Variants in FAT3 observed in about 807,000 individuals in gnomAD.
FAT3 encodes protocadherin Fat 3.
Under a neutral mutation model 310.2 loss-of-function variants are expected in FAT3, and 95 were observed. That is an observed-to-expected ratio of 0.31 (90% confidence interval 0.26 to 0.36). The LOEUF is 0.36. FAT3 is among the 10% of genes least tolerant of loss of function. FAT3 has a pLI of 1.00. For missense variants in FAT3, 5,408 were observed against 5,715.6 expected (o/e 0.95, Z 1.74); for synonymous variants, 2,314 against 2,192.9 (o/e 1.06, Z -1.54).
intron 2 of FAT3, among the ~76,000 whole-genome samples, chr11:92,407,295 T>C (rs980125418): frequency 6.6e-6 from 1 of 152,110 alleles, no homozygotes; most frequent in Admixed American, 6.6e-5. Context: ...GGCTCCGGTA[T>C]GCTAAAGACT....
intron 3 of FAT3, among the ~76,000 whole-genome samples, chr11:92,526,393 T>C (rs564095034): frequency 6.6e-6 from 1 of 152,268 alleles, no homozygotes; most frequent in South Asian, 2.1e-4. Flanking sequence ...GCCACAGGTA[T>C]CTTCACATTT....
At chr11:92,435,221 C>T (rs1950898131) in intron 2 of FAT3, among the ~76,000 whole-genome samples, 1 of 152,118 alleles carries the variant, frequency 6.6e-6, no homozygotes, top group African/African-American at 2.4e-5. Context: ...GAATGGATCT[C>T]CTGATTCCCT....
intron 4 of FAT3, among the ~76,000 whole-genome samples, chr11:92,700,497 A>G (rs886676510): frequency 7.2e-5 from 11 of 152,112 alleles, no homozygotes; most frequent in Admixed American, 2.0e-4. Flanking sequence ...GAAAGCTTCT[A>G]TAGAGATCCA....
intron 3 of FAT3, among the ~76,000 whole-genome samples, chr11:92,561,071 A>T (rs1252845094): frequency 6.6e-6 from 1 of 152,204 alleles, no homozygotes; most frequent in Non-Finnish European, 1.5e-5. Flanking sequence ...CTGGGTAGGC[A>T]GCACTTATCT....
At chr11:92,628,838 G>A (rs779536782) in intron 3 of FAT3, among the ~76,000 whole-genome samples, 1 of 152,138 alleles carries the variant, frequency 6.6e-6, no homozygotes, top group Non-Finnish European at 1.5e-5. Flanking sequence ...TTGGCAGCTG[G>A]ATCTTCTGAA....
Position 92,775,243 on chromosome 11 carries a change from A to G in FAT3, c.4335+1063A>G, listed in dbSNP as rs78578376. Among the ~76,000 whole-genome samples, 730 of 152,314 alleles carry G rather than the reference A, an allele frequency of 4.8e-3. 6 individuals carry two copies. Among genetic ancestry groups the G allele is most frequent in the African/African-American group, 0.016 (683 of 41,556 alleles). ...GCAAGCAAGTCTTGATTCATCTTAA[A>G]TATGATGTAAGCATTTGCAACTATG... On this transcript the variant is annotated intron_variant, in intron 7 of 27. Transcript: ENST00000525166.
At position 92,801,514 on chromosome 11, in the gene FAT3, C is replaced by T; in HGVS notation, c.8501C>T (p.Thr2834Ile). ...MEGMPVGTKL[T>I]QVRAIDMDWG... Reference sequence around the variant, plus strand: ...GGGATGCCTGTTGGCACCAAACTCACACAAGTGAGAGCTATTGATATGGAC... The same window carrying T: ...GGGATGCCTGTTGGCACCAAACTCATACAAGTGAGAGCTATTGATATGGAC... Residue 2834 changes from threonine to isoleucine, a missense_variant, in exon 10 of 28, where the codon ACA becomes ATA. This residue lies in a region of FAT3 where 4,588 missense variants were observed against 4,809.8 expected (regional missense o/e 0.95). Transcript: ENST00000525166. 3.1e-6 allele frequency: 5 copies of T among 1,611,072 alleles called. No homozygotes were observed. The highest frequency in any genetic ancestry group is 4.2e-6 in the Non-Finnish European group (5 of 1,178,496).
chr11:92,850,275 C>T (rs1199785304), intron 19 of FAT3, among the ~76,000 whole-genome samples: 3 of 152,188 alleles, frequency 2.0e-5, no homozygotes, highest in Admixed American at 2.0e-4. Context: ...GCAGATCCCT[C>T]ATCTCCAGTA....
intron 1 of FAT3, among the ~76,000 whole-genome samples, chr11:92,299,764 T>C (rs2845871): frequency 0.71 from 108,083 of 151,978 alleles, 38,738 homozygotes; most frequent in African/African-American, 0.8. Context: ...TTCATTTAAA[T>C]AACATCAGTA....
intron 3 of FAT3, among the ~76,000 whole-genome samples, chr11:92,597,725 T>C (rs1188187074): frequency 6.6e-6 from 1 of 152,152 alleles, no homozygotes; most frequent in African/African-American, 2.4e-5. Context: ...GCATGACTAG[T>C]CTCGAGTTTA....
chr11:92,402,643 G>C (rs1413548306), intron 2 of FAT3, among the ~76,000 whole-genome samples: 1 of 151,620 alleles, frequency 6.6e-6, no homozygotes, highest in East Asian at 1.9e-4. Context: ...TGAGGTGGGA[G>C]GATCACTTGA....
At chr11:92,540,970 C>G (rs1283490878) in intron 3 of FAT3, among the ~76,000 whole-genome samples, 2 of 152,086 alleles carry the variant, frequency 1.3e-5, no homozygotes, top group Admixed American at 6.6e-5. Context: ...AAAGGGGAAG[C>G]AAAGCCAACT....
At chr11:92,587,580 A>C (rs778210318) in intron 3 of FAT3, among the ~76,000 whole-genome samples, 3 of 152,044 alleles carry the variant, frequency 2.0e-5, no homozygotes, top group African/African-American at 4.8e-5. Context: ...TAGCATATTT[A>C]GCATAACAAA....
intron 12 of FAT3, among the ~76,000 whole-genome samples, chr11:92,807,283 T>A (rs911252260): frequency 6.6e-6 from 1 of 152,042 alleles, no homozygotes. Flanking sequence ...GCCTTCCAAA[T>A]TTTTTTTAAT....
chr11:92,589,882 A>ACC (rs1939342164), intron 3 of FAT3, among the ~76,000 whole-genome samples: 1 of 152,136 alleles, frequency 6.6e-6, no homozygotes, highest in South Asian at 2.1e-4. Context: ...CACAGCAAGT[A>ACC]CACAGAACAC....
Position 92,891,384 on chromosome 11 carries a change from A to T in FAT3, c.*271A>T. The stretch of plus-strand genomic sequence containing the variant: ...CAGCTAAAAATGCAAAGAGGGAAAA[A>T]TTATTTCACCCACTAAGTTATACAG... On this transcript the variant is annotated 3_prime_UTR_variant, in exon 28 of 28. Transcript: ENST00000525166. The T allele has an allele frequency of 2.1e-6, 1 of 483,100 alleles. No homozygotes were observed. The highest frequency in any genetic ancestry group is 3.3e-5 in the Admixed American group (1 of 30,086). The allele number at this position is 483,100 out of a possible 1,614,324, so 29.9% of individuals were successfully genotyped here. A position where few individuals can be genotyped will look rare whatever the true frequency, so the allele number is the denominator to read the frequency against.
chr11:92,727,786 T>A (rs1250474525), intron 4 of FAT3, among the ~76,000 whole-genome samples: 1 of 152,200 alleles, frequency 6.6e-6, no homozygotes, highest in South Asian at 2.1e-4. Context: ...CCACTTTCCA[T>A]GTGCTTCTCT....
intron 2 of FAT3, among the ~76,000 whole-genome samples, chr11:92,483,600 A>G (rs1481110913): frequency 1.3e-5 from 2 of 151,866 alleles, no homozygotes; most frequent in Middle Eastern, 3.2e-3. Flanking sequence ...ATCCTCACCT[A>G]TATTTTCCTC....
chr11:92,773,955 A>G lies in FAT3; in HGVS notation c.4196-86A>G, dbSNP rs1230063150. ...GATGCCTGTCAAAAAAAATTTCTGT[A>G]TAAGAGCTCCCTTTAAAGATATATG... On this transcript the variant is annotated intron_variant, in intron 6 of 27. Coordinates refer to ENST00000525166, the MANE Select transcript of FAT3 (RefSeq NM_001367949.2). The G allele has an allele frequency of 1.1e-5, 16 of 1,494,756 alleles. No homozygotes were observed. In the South Asian group the frequency reaches 1.6e-4, roughly 15 times the overall value. 92.6% of individuals were successfully genotyped at this position (1,494,756 alleles called of 1,614,324 possible).
Sources: gnomAD v4.1 joint callset for allele counts (sites outside exome capture counted in the v4.1 genomes callset) on GRCh38, gnomAD v4.1.1 for gene constraint, gnomAD v4.1.1 regional missense constraint, MANE v1.5 for transcripts, NCBI Gene and HGNC (gene_info 2026-07-23, HGNC 2026-07-21) for gene names.